The following DCLK1 variants were observed in gnomAD, a reference collection of about 807,000 sequenced individuals.
DCLK1 encodes the protein doublecortin like kinase 1.
Under a neutral mutation model 86.2 loss-of-function variants are expected in DCLK1, and 16 were observed. That is an observed-to-expected ratio of 0.19 (90% CI 0.13 to 0.28). DCLK1 has a LOEUF of 0.28. DCLK1 is among the 10% of genes least tolerant of loss of function. DCLK1 has a pLI of 1.00. For synonymous variants in DCLK1, 369 were observed against 370.5 expected, an observed-to-expected ratio of 1.00 and a Z score of 0.05; for missense variants, 590 against 940.2, an observed-to-expected ratio of 0.63 and a Z score of 4.87.
intron 3 of DCLK1, among the ~76,000 whole-genome samples, chr13:35,957,587 G>A (rs1444357562): frequency 6.6e-6 from 1 of 152,118 alleles, no homozygotes; most frequent in African/African-American, 2.4e-5. Flanking sequence ...ATATTTGAGA[G>A]CTAAAAACAT....
intron 4 of DCLK1, among the ~76,000 whole-genome samples, chr13:35,893,189 G>A (rs536174266): frequency 8.5e-5 from 13 of 152,286 alleles, no homozygotes; most frequent in Non-Finnish European, 1.2e-4. Flanking sequence ...TACTGGGTTC[G>A]GGGCAAGGAG....
intron 6 of DCLK1, chr13:35,845,949 C>T (rs1870143455): frequency 2.5e-5 from 25 of 985,350 alleles, no homozygotes; most frequent in Non-Finnish European, 3.0e-5. Context: ...GTAAGTGTCA[C>T]AAAGTTAACT....
chr13:35,875,920 C>A (rs1013374675), intron 4 of DCLK1, among the ~76,000 whole-genome samples: 12 of 152,244 alleles, frequency 7.9e-5, no homozygotes, highest in Non-Finnish European at 1.5e-5. Context: ...TGCATCAGAA[C>A]CCAACTCTCT....
intron 11 of DCLK1, among the ~76,000 whole-genome samples, chr13:35,818,400 A>G (rs1376664047): frequency 2.0e-5 from 3 of 152,224 alleles, no homozygotes; most frequent in African/African-American, 7.2e-5. Context: ...GATATAATCC[A>G]CTGCGTGAAA....
intron 3 of DCLK1, among the ~76,000 whole-genome samples, chr13:35,974,463 C>A (rs549181681): frequency 6.6e-6 from 1 of 152,214 alleles, no homozygotes; most frequent in South Asian, 2.1e-4. Flanking sequence ...ACCCAAGTCT[C>A]ATGTCGAATT....
chr13:35,834,661 T>G (rs904348172), intron 8 of DCLK1, among the ~76,000 whole-genome samples: 1 of 152,226 alleles, frequency 6.6e-6, no homozygotes, highest in African/African-American at 2.4e-5. Context: ...ACATTTTCCA[T>G]GTTTGGCACA....
intron 6 of DCLK1, chr13:35,849,539 A>T: frequency 1.0e-6 from 1 of 979,572 alleles, no homozygotes; most frequent in Non-Finnish European, 1.2e-6. Flanking sequence ...TAGACCATAC[A>T]CATTAAATTA....
At position 35,819,477 on chromosome 13, in the gene DCLK1, G is replaced by T. The variant is rs1336066467; in HGVS notation, c.1554+3252C>A. On this transcript the variant is annotated intron_variant, in intron 11 of 16. Transcript: ENST00000360631. ...TACAATGAAATCTATAGCTGAATTA[G>T]ATATGTATTAAAAATACTTTGCTAG... 8.5e-5 allele frequency among the ~76,000 whole-genome samples: 13 copies of T among 152,226 alleles called. No homozygotes were observed. The East Asian group carries it at 2.5e-3, about 29-fold the overall frequency.
At chr13:35,869,875 A>T (rs747757441) in intron 5 of DCLK1, among the ~76,000 whole-genome samples, 4 of 152,170 alleles carry the variant, frequency 2.6e-5, no homozygotes, top group African/African-American at 4.8e-5. Context: ...AATCACCTGG[A>T]GTACTTGCTG....
chr13:36,023,604 T>C (rs1273714266), intron 3 of DCLK1, among the ~76,000 whole-genome samples: 1 of 152,122 alleles, frequency 6.6e-6, no homozygotes, highest in Non-Finnish European at 1.5e-5. Context: ...ACATGGAAAG[T>C]TGGCCATCAC....
At chr13:35,881,373 T>A (rs1234049505) in intron 4 of DCLK1, among the ~76,000 whole-genome samples, 2 of 152,194 alleles carry the variant, frequency 1.3e-5, no homozygotes, top group Admixed American at 1.3e-4. Context: ...TCTGGTTAGC[T>A]TGCCTACATC....
intron 3 of DCLK1, among the ~76,000 whole-genome samples, chr13:35,954,748 T>C (rs974798778): frequency 2.0e-5 from 3 of 152,170 alleles, no homozygotes; most frequent in Admixed American, 1.3e-4. Context: ...AAAAATAAAT[T>C]AGTTAAATAA....
chr13:35,944,041 T>C (rs1421785124), intron 4 of DCLK1, among the ~76,000 whole-genome samples: 2 of 152,078 alleles, frequency 1.3e-5, no homozygotes, highest in Non-Finnish European at 1.5e-5. Flanking sequence ...ACAAGGAAGG[T>C]GTTATTTTCC....
At chr13:35,938,570 A>G (rs9574951) in intron 4 of DCLK1, among the ~76,000 whole-genome samples, 3,472 of 152,058 alleles carry the variant, frequency 0.023, 170 homozygotes, top group East Asian at 0.21. Flanking sequence ...CAGAGGTTTC[A>G]GTGAGCCAAG....
rs114988170 is a variant in DCLK1 at position 35,842,018 on chromosome 13, C to T, written c.1036-2842G>A. Among the ~76,000 whole-genome samples the T allele has an allele frequency of 1.6e-3, 248 of 151,496 alleles. 3 individuals are homozygous for T. Among genetic ancestry groups the T allele is most frequent in the African/African-American group, 5.9e-3 (242 of 41,288 alleles). ...TGAACATACTACTTCCTGAGGCAGC[C>T]CTTCATCATTAATGGGAGGCAAAAT... is the stretch of plus-strand genomic sequence containing the variant. On this transcript the variant is annotated intron_variant, in intron 6 of 16. Transcript: ENST00000360631.
At chr13:35,808,970 A>G (rs780863649) in intron 13 of DCLK1, 48 bp downstream of exon 13, 6 of 1,546,046 alleles carry the variant, frequency 3.9e-6, no homozygotes, top group Non-Finnish European at 5.3e-6. Context: ...TCACTCAGAG[A>G]GTAGAGAAAT....
intron 16 of DCLK1, among the ~76,000 whole-genome samples, chr13:35,784,721 G>A (rs1195573989): frequency 6.6e-6 from 1 of 152,126 alleles, no homozygotes; most frequent in Non-Finnish European, 1.5e-5. Flanking sequence ...TGCCCTGGCT[G>A]CCAACCATGC....
At chr13:35,999,781 TAGG>T (rs1880632678) in intron 3 of DCLK1, among the ~76,000 whole-genome samples, 2 of 152,282 alleles carry the variant, frequency 1.3e-5, no homozygotes, top group East Asian at 1.9e-4. Flanking sequence ...AGGAAATTGG[TAGG>T]AGATCTGTTG....
At chr13:35,979,146 A>G (rs1436175032) in intron 3 of DCLK1, among the ~76,000 whole-genome samples, 1 of 152,200 alleles carries the variant, frequency 6.6e-6, no homozygotes, top group Admixed American at 6.5e-5. Context: ...AACAGAAGCT[A>G]TGTTTTTGGT....
Sources: gnomAD v4.1 joint callset for allele counts (sites outside exome capture counted in the v4.1 genomes callset) on GRCh38, gnomAD v4.1.1 for gene constraint, MANE v1.5 for transcripts, NCBI Gene and HGNC (gene_info 2026-07-23, HGNC 2026-07-21) for gene names.